RFTN1: variants seen among roughly 807,000 people sequenced by gnomAD.
RFTN1 encodes raftlin.
A neutral mutation model predicts 46.5 loss-of-function variants in RFTN1; 26 were observed. The ratio of observed to expected loss-of-function variants is 0.56; its 90% CI spans 0.41 to 0.78. RFTN1 has a LOEUF of 0.78. Ranked by LOEUF, RFTN1 falls within the 30% of genes least tolerant of loss-of-function variation. RFTN1 has a pLI of 0.00. For synonymous variants in RFTN1, 261 were observed against 284.2 expected (o/e 0.92, Z 0.82); for missense variants, 693 against 718.7 (o/e 0.96, Z 0.41).
At chr3:16,439,860 C>T (rs1169416040) in intron 2 of RFTN1, among the ~76,000 whole-genome samples, 6 of 152,166 alleles carry the variant, frequency 3.9e-5, no homozygotes, top group African/African-American at 1.4e-4. Flanking sequence ...GATGCCTGCC[C>T]AGCGGTGGGA....
In RFTN1 at chr3:16,507,064, C is replaced by G. The variant is rs915987158; in HGVS notation, c.-9+6378G>C. Reference sequence around the variant, plus strand: ...TCCTACCTGTGTGACCTCAAGGAAGCCATTTAACCTCAGTTTTCTCATCTG... The same window carrying G: ...TCCTACCTGTGTGACCTCAAGGAAGGCATTTAACCTCAGTTTTCTCATCTG... On this transcript the variant is annotated intron_variant, in intron 1 of 9. Coordinates refer to ENST00000334133, the MANE Select transcript of RFTN1 (RefSeq NM_015150.2). The surrounding 1 kb of genome is among the most constrained non-coding windows in gnomAD (Gnocchi z 7.1). Among the ~76,000 whole-genome samples, 1 of 152,122 alleles carries G rather than the reference C, an allele frequency of 6.6e-6. No homozygotes were observed. Among genetic ancestry groups the G allele is most frequent in the African/African-American group, 2.4e-5 (1 of 41,412 alleles).
chr3:16,397,759 G>A (rs1211787320), intron 4 of RFTN1, among the ~76,000 whole-genome samples: 1 of 150,186 alleles, frequency 6.7e-6, no homozygotes, highest in Non-Finnish European at 1.5e-5. Context: ...GTATAGATAG[G>A]TATTTGGTCT....
In RFTN1 at chr3:16,316,692, A is replaced by G. The variant is rs1424092826; in HGVS notation, c.*136T>C. 4.1e-6 allele frequency: 4 copies of G among 984,128 alleles called. No individual in the cohort carries two copies. The highest frequency in any genetic ancestry group is 6.2e-6 in the Non-Finnish European group (4 of 640,444). 61.0% of individuals were successfully genotyped at this position (984,128 alleles called of 1,614,324 possible). On this transcript the variant is annotated 3_prime_UTR_variant, in exon 10 of 10. Coordinates refer to ENST00000334133, the MANE Select transcript of RFTN1 (RefSeq NM_015150.2). This position sits in a 1 kb window ranked among gnomAD's most constrained non-coding sequence, Gnocchi z 4.5. ...ACCTGGCCCTGGGAGGGCTCAGGTG[A>G]GCTCACAAGGAGAGGTCAAGCCAAG... is the stretch of plus-strand genomic sequence containing the variant.
intron 4 of RFTN1, among the ~76,000 whole-genome samples, chr3:16,404,106 TA>T (rs2074747285): frequency 7.1e-4 from 1 of 1,402 alleles, no homozygotes; most frequent in Admixed American, 0.01. Context: ...ATATTATATA[TA>T]ATATATAATA....
chr3:16,317,794 A>G lies in RFTN1; in HGVS notation c.1333-562T>C, dbSNP rs1464978490. On this transcript the variant is annotated intron_variant, in intron 9 of 9. Coordinates refer to ENST00000334133, the MANE Select transcript of RFTN1 (RefSeq NM_015150.2). The surrounding 1 kb of genome is among the most constrained non-coding windows in gnomAD (Gnocchi z 4.3). ...GGCCGATAGCCCTTTGCTGACCACC[A>G]CCTCACAGAAGGGTCACACCAGGGC... is the stretch of plus-strand genomic sequence containing the variant. Among the ~76,000 whole-genome samples the G allele has an allele frequency of 6.6e-6, 1 of 151,412 alleles. No individual in the cohort carries two copies. The highest frequency in any genetic ancestry group is 2.4e-5 in the African/African-American group (1 of 40,924).
At position 16,376,348 on chromosome 3, in the gene RFTN1, A is replaced by G. The variant is rs1482006404; in HGVS notation, c.826+1370T>C. On this transcript the variant is annotated intron_variant, in intron 5 of 9. Coordinates refer to ENST00000334133, the MANE Select transcript of RFTN1 (RefSeq NM_015150.2). This position sits in a 1 kb window ranked among gnomAD's most constrained non-coding sequence, Gnocchi z 4.7. ...TGTATACTCTAGATTCTTGAGCACCATGCTCCTCACCTCTCCATCACTCCT... is the reference window on the plus strand; with the variant it reads ...TGTATACTCTAGATTCTTGAGCACCGTGCTCCTCACCTCTCCATCACTCCT... Among the ~76,000 whole-genome samples, 1 of 152,114 alleles carries G rather than the reference A, an allele frequency of 6.6e-6. No individual in the cohort carries two copies. Among genetic ancestry groups the G allele is most frequent in the East Asian group, 1.9e-4 (1 of 5,196 alleles).
intron 4 of RFTN1, among the ~76,000 whole-genome samples, chr3:16,378,850 A>G (rs1342770660): frequency 6.6e-6 from 1 of 152,200 alleles, no homozygotes; most frequent in East Asian, 1.9e-4. Context: ...TACCAACGGG[A>G]TGGGGGATGA....
Position 16,316,785 on chromosome 3 carries a change from G to C in RFTN1, c.*43C>G, listed in dbSNP as rs1349101660. 3.4e-5 allele frequency: 55 copies of C among 1,610,060 alleles called. No homozygotes were observed. Among genetic ancestry groups the C allele is most frequent in the Non-Finnish European group, 4.1e-5 (48 of 1,177,904 alleles). On this transcript the variant is annotated 3_prime_UTR_variant, in exon 10 of 10. Coordinates refer to ENST00000334133, the MANE Select transcript of RFTN1 (RefSeq NM_015150.2). This position sits in a 1 kb window ranked among gnomAD's most constrained non-coding sequence, Gnocchi z 4.5. ...AAACCAGCTGTTGGTAAGATGCCTT[G>C]GGTTTGGCAACTCACCTAGTTTTAG... is the stretch of plus-strand genomic sequence containing the variant.
chr3:16,496,410 C>G (rs1210247018), intron 1 of RFTN1, among the ~76,000 whole-genome samples: 1 of 152,220 alleles, frequency 6.6e-6, no homozygotes, highest in Admixed American at 6.5e-5. Flanking sequence ...CACTACCCAA[C>G]AGCAAACAGG....
intron 7 of RFTN1, among the ~76,000 whole-genome samples, chr3:16,330,202 T>C (rs1157691595): frequency 6.6e-6 from 1 of 152,148 alleles, no homozygotes; most frequent in African/African-American, 2.4e-5. Flanking sequence ...CATCACATGG[T>C]GAGTTGACAA....
At chr3:16,430,627 C>T (rs771632196) in intron 3 of RFTN1, among the ~76,000 whole-genome samples, 12 of 152,174 alleles carry the variant, frequency 7.9e-5, no homozygotes, top group Non-Finnish European at 1.6e-4. Context: ...CCTCATTTTA[C>T]ATGATAAATT....
chr3:16,359,561 A>G (rs2125336562), intron 6 of RFTN1, among the ~76,000 whole-genome samples: 1 of 152,276 alleles, frequency 6.6e-6, no homozygotes, highest in Admixed American at 6.5e-5. Context: ...AGGAAAAGCC[A>G]CGTGAGGACA....
Position 16,342,544 on chromosome 3 carries a change from AG to A in RFTN1, c.1146+15387del, listed in dbSNP as rs1471566472. Among the ~76,000 whole-genome samples the A allele has an allele frequency of 6.6e-6, 1 of 152,224 alleles. No homozygotes were observed. Among genetic ancestry groups the A allele is most frequent in the African/African-American group, 2.4e-5 (1 of 41,460 alleles). Reference sequence around the variant, plus strand: ...ATATGTTTTCATTTCTCTTAAATATAGGGGTGGAATTGCTGGGTCATATGGT... The same window carrying A: ...ATATGTTTTCATTTCTCTTAAATATAGGGTGGAATTGCTGGGTCATATGGT... On this transcript the variant is annotated intron_variant, in intron 7 of 9. Transcript: ENST00000334133. The surrounding 1 kb of genome is among the most constrained non-coding windows in gnomAD (Gnocchi z 4.0).
intron 6 of RFTN1, among the ~76,000 whole-genome samples, chr3:16,365,596 A>G (rs1559293413): frequency 6.6e-6 from 1 of 152,234 alleles, no homozygotes; most frequent in Non-Finnish European, 1.5e-5. Context: ...GGGGCACCGG[A>G]GAAAGTCTCA....
At chr3:16,360,168 C>T (rs867441261) in intron 6 of RFTN1, among the ~76,000 whole-genome samples, 40 of 151,540 alleles carry the variant, frequency 2.6e-4, no homozygotes, top group African/African-American at 9.7e-4. Flanking sequence ...AAAAAAATTG[C>T]AGTTTCTTTT....
Position 16,460,436 on chromosome 3 carries a change from C to T in RFTN1, c.146-26399G>A, listed in dbSNP as rs1352405439. 3.9e-5 allele frequency among the ~76,000 whole-genome samples: 6 copies of T among 152,074 alleles called. No homozygotes were observed. The highest frequency in any genetic ancestry group is 8.8e-5 in the Non-Finnish European group (6 of 68,008). ...CAGGTAGACATTTCATTTGAATTTC[C>T]GGAGCCTGGTTTTATCTTAACAGCC... On this transcript the variant is annotated intron_variant, in intron 2 of 9. Coordinates refer to ENST00000334133, the MANE Select transcript of RFTN1 (RefSeq NM_015150.2). This position sits in a 1 kb window ranked among gnomAD's most constrained non-coding sequence, Gnocchi z 4.8.
At chr3:16,494,717 C>T (rs552049526) in intron 1 of RFTN1, among the ~76,000 whole-genome samples, 4 of 152,298 alleles carry the variant, frequency 2.6e-5, no homozygotes, top group South Asian at 4.1e-4. Flanking sequence ...TTTATTTGGG[C>T]AGAATGACTT....
chr3:16,393,860 C>T lies in RFTN1; in HGVS notation c.441+15515G>A, dbSNP rs1026390259. ...ATTTTTAGTATAGACGGGGTTTCAC[C>T]GTGTTAGCCAGGATCATCTCGATCT... On this transcript the variant is annotated intron_variant, in intron 4 of 9. Coordinates refer to ENST00000334133, the MANE Select transcript of RFTN1 (RefSeq NM_015150.2). Among the ~76,000 whole-genome samples the T allele has an allele frequency of 2.0e-4, 31 of 152,088 alleles. 1 individual carries two copies. Among genetic ancestry groups the T allele is most frequent in the African/African-American group, 5.3e-4 (22 of 41,490 alleles).
intron 3 of RFTN1, among the ~76,000 whole-genome samples, chr3:16,420,990 A>C (rs1252936700): frequency 6.6e-6 from 1 of 152,278 alleles, no homozygotes; most frequent in East Asian, 1.9e-4. Flanking sequence ...TTCAGGAACC[A>C]CCAGTTCCAG....
Sources: gnomAD v4.1 joint callset for allele counts (sites outside exome capture counted in the v4.1 genomes callset) on GRCh38, gnomAD v4.1.1 for gene constraint, Gnocchi (gnomAD v3.1) non-coding constraint, MANE v1.5 for transcripts, NCBI Gene and HGNC (gene_info 2026-07-23, HGNC 2026-07-21) for gene names.